The following KLHL1 variants were observed in gnomAD, a reference collection of about 807,000 sequenced individuals.
KLHL1 encodes kelch like family member 1.
In KLHL1, 47 loss-of-function variants were observed where a neutral mutation model predicts 77.7. That is an observed-to-expected ratio of 0.60 (90% CI 0.48 to 0.77). The LOEUF (loss-of-function observed/expected upper bound fraction) is 0.77, where lower values mean the gene tolerates loss of function less well. Among genes scored for constraint, KLHL1 ranks in the 30% least tolerant of loss-of-function variants. KLHL1 has a pLI of 0.00. For synonymous variants in KLHL1, 360 were observed against 325.2 expected, an observed-to-expected ratio of 1.11 and a Z score of -1.15; for missense variants, 925 against 910.8, an observed-to-expected ratio of 1.02 and a Z score of -0.20.
At position 69,927,682 on chromosome 13, in the gene KLHL1, CACAA is replaced by C. The variant is rs779316152; in HGVS notation, c.1014+12354_1014+12357del. On this transcript the variant is annotated intron_variant, in intron 4 of 10. Coordinates refer to ENST00000377844, the MANE Select transcript of KLHL1 (RefSeq NM_020866.3). ...TCAGTTTCATTAGACATAGGAAAAT[CACAA>C]ACAAAAACCACGAAATACTATTTTA... 1.6e-4 allele frequency among the ~76,000 whole-genome samples: 25 copies of C among 152,150 alleles called. No homozygotes were observed. The South Asian group carries it at 5.0e-3, about 30-fold the overall frequency.
At chr13:69,850,280 A>T (rs1203679581) in intron 5 of KLHL1, among the ~76,000 whole-genome samples, 1 of 151,472 alleles carries the variant, frequency 6.6e-6, no homozygotes. Flanking sequence ...CCTGCACTTC[A>T]CTTTTAAGCT....
chr13:69,915,219 C>T (rs913356669), intron 4 of KLHL1, among the ~76,000 whole-genome samples: 1 of 152,160 alleles, frequency 6.6e-6, no homozygotes, highest in East Asian at 1.9e-4. Context: ...CAATGACTTT[C>T]TTCACAGAAT....
intron 1 of KLHL1, among the ~76,000 whole-genome samples, chr13:70,025,062 T>C (rs1354700391): frequency 6.6e-6 from 1 of 152,038 alleles, no homozygotes; most frequent in Non-Finnish European, 1.5e-5. Flanking sequence ...TACATTCACA[T>C]GAATTTTATG....
chr13:69,973,177 C>A (rs2137288243), intron 2 of KLHL1, among the ~76,000 whole-genome samples: 1 of 152,018 alleles, frequency 6.6e-6, no homozygotes, highest in South Asian at 2.1e-4. Flanking sequence ...ACAGAACTAT[C>A]TACATAAACA....
chr13:69,899,474 C>G (rs1881781220), intron 4 of KLHL1, among the ~76,000 whole-genome samples: 1 of 152,116 alleles, frequency 6.6e-6, no homozygotes, highest in Admixed American at 6.5e-5. Context: ...AAGTAGGGCC[C>G]CTTACAAGAA....
intron 6 of KLHL1, among the ~76,000 whole-genome samples, chr13:69,820,278 TCA>T (rs1878281368): frequency 6.6e-6 from 1 of 152,192 alleles, no homozygotes; most frequent in African/African-American, 2.4e-5. Flanking sequence ...ATAACAGGGT[TCA>T]CATATCGGTT....
intron 7 of KLHL1, among the ~76,000 whole-genome samples, chr13:69,759,332 G>T (rs191596959): frequency 2.5e-4 from 38 of 152,146 alleles, no homozygotes; most frequent in Admixed American, 1.5e-3. Context: ...AATCAAGCAG[G>T]TATCAAAAAT....
intron 6 of KLHL1, among the ~76,000 whole-genome samples, chr13:69,819,769 G>A (rs374335314): frequency 2.3e-4 from 35 of 152,178 alleles, no homozygotes; most frequent in African/African-American, 7.9e-4. Context: ...TCTGCTTTTT[G>A]TTCACAGCTA....
At chr13:69,743,172 A>C (rs985394600) in intron 7 of KLHL1, among the ~76,000 whole-genome samples, 2 of 152,182 alleles carry the variant, frequency 1.3e-5, no homozygotes, top group African/African-American at 4.8e-5. Flanking sequence ...TCACTAGGAT[A>C]ATTTAATAAA....
intron 1 of KLHL1, among the ~76,000 whole-genome samples, chr13:70,103,305 G>T (rs1337108091): frequency 6.6e-6 from 1 of 152,158 alleles, no homozygotes; most frequent in Non-Finnish European, 1.5e-5. Flanking sequence ...TAAGTGAATG[G>T]CCTACATAGC....
chr13:69,713,224 A>G (rs978234990), intron 9 of KLHL1, among the ~76,000 whole-genome samples: 3 of 152,180 alleles, frequency 2.0e-5, no homozygotes, highest in Admixed American at 6.5e-5. Context: ...TTCGATATTT[A>G]TCACATAATC....
At chr13:69,971,000 C>A (rs1884365555) in intron 2 of KLHL1, among the ~76,000 whole-genome samples, 1 of 152,054 alleles carries the variant, frequency 6.6e-6, no homozygotes, top group South Asian at 2.1e-4. Flanking sequence ...GTCCTTTATA[C>A]ATTTTCTAAA....
At chr13:69,796,279 C>T (rs567308284) in intron 7 of KLHL1, among the ~76,000 whole-genome samples, 51 of 152,134 alleles carry the variant, frequency 3.4e-4, no homozygotes, top group African/African-American at 1.1e-3. Context: ...GGATGTTTGT[C>T]CCCCCAAAAC....
At chr13:69,939,340 C>CATATATAT (rs34074889) in intron 4 of KLHL1, among the ~76,000 whole-genome samples, 1,058 of 60,444 alleles carry the variant, frequency 0.018, 31 homozygotes, top group Middle Eastern at 0.021. Context: ...CATATACATA[C>CATATATAT]ATATATATAT....
intron 5 of KLHL1, among the ~76,000 whole-genome samples, chr13:69,851,193 TA>T (rs1879674832): frequency 1.2e-5 from 1 of 81,844 alleles, no homozygotes; most frequent in Admixed American, 1.6e-4. Context: ...TCAAAGAGTA[TA>T]TTTTTATAAA....
chr13:69,815,915 T>C (rs905328157), intron 6 of KLHL1, among the ~76,000 whole-genome samples: 47 of 151,676 alleles, frequency 3.1e-4, no homozygotes, highest in African/African-American at 1.0e-3. Context: ...AATAAAAAAC[T>C]GAAAGATAAA....
rs71116988 is a variant in KLHL1 at position 70,084,622 on chromosome 13, C to CTTTTTTTTTTTTTTTTTTTTTTTTTTTTT, written c.497+22580_497+22581insAAAAAAAAAAAAAAAAAAAAAAAAAAAAA. On this transcript the variant is annotated intron_variant, in intron 1 of 10. Transcript: ENST00000377844. ...TACAGGCACCTGCCACCACGCCAGG[C>CTTTTTTTTTTTTTTTTTTTTTTTTTTTTT]TTTTTTTTTTTTTTTTTTTTTTTTT... 1.3e-3 allele frequency among the ~76,000 whole-genome samples: 19 copies of CTTTTTTTTTTTTTTTTTTTTTTTTTTTTT among 14,954 alleles called. 8 individuals carry two copies. The highest frequency in any genetic ancestry group is 2.1e-3 in the African/African-American group (6 of 2,904). 9.8% of individuals were successfully genotyped at this position (14,954 alleles called of 152,430 possible).
chr13:69,783,331 C>G (rs1876331310), intron 7 of KLHL1, among the ~76,000 whole-genome samples: 1 of 152,194 alleles, frequency 6.6e-6, no homozygotes, highest in African/African-American at 2.4e-5. Context: ...TGGAGAATGA[C>G]TTTGATGAGT....
At chr13:69,977,665 T>TAA (rs1884585287) in intron 1 of KLHL1, among the ~76,000 whole-genome samples, 1 of 152,128 alleles carries the variant, frequency 6.6e-6, no homozygotes, top group Non-Finnish European at 1.5e-5. Flanking sequence ...AAACACGTTT[T>TAA]AATCGTATAG....
Sources: allele counts gnomAD v4.1 joint callset (sites outside exome capture counted in the v4.1 genomes callset), GRCh38; gene constraint gnomAD v4.1.1; transcripts MANE v1.5; gene names NCBI Gene and HGNC (gene_info 2026-07-23, HGNC 2026-07-21).